The following PTPN14 variants were observed in gnomAD, a reference collection of about 807,000 sequenced individuals.
PTPN14 encodes the protein protein tyrosine phosphatase non-receptor type 14.
In PTPN14, 53 loss-of-function variants were observed where a neutral mutation model predicts 126.8. The observed-to-expected ratio is 0.42, with a 90% confidence interval of 0.34 to 0.53. The LOEUF (loss-of-function observed/expected upper bound fraction) is 0.53. Ranked by LOEUF, PTPN14 falls within the 20% of genes least tolerant of loss-of-function variation. The pLI is 0.08. For synonymous variants in PTPN14, 630 were observed against 599.3 expected, an observed-to-expected ratio of 1.05 and a Z score of -0.75; for missense variants, 1,257 against 1,552.9, an observed-to-expected ratio of 0.81 and a Z score of 3.20.
intron 1 of PTPN14, among the ~76,000 whole-genome samples, chr1:214,511,642 C>T (rs1165738869): frequency 6.6e-6 from 1 of 152,138 alleles, no homozygotes; most frequent in Non-Finnish European, 1.5e-5. Flanking sequence ...AACAGAATTC[C>T]CTTAGGATCT....
chr1:214,538,797 T>C (rs1038099526), intron 1 of PTPN14, among the ~76,000 whole-genome samples: 20 of 152,188 alleles, frequency 1.3e-4, no homozygotes, highest in Non-Finnish European at 1.2e-4. Flanking sequence ...GATTTTTCCG[T>C]ACTGTATATA....
rs1373533874 is a variant in PTPN14, at chr1:214,383,663, A to T, written c.2192T>A (p.Met731Lys). 6.2e-7 allele frequency: 1 copy of T among 1,613,334 alleles called. No homozygotes were observed. Among genetic ancestry groups the T allele is most frequent in the Admixed American group, 1.7e-5 (1 of 60,006 alleles). ...VPQIPMLREKMEYSAQLQAAL... is the reference protein window; with the variant it reads ...VPQIPMLREKKEYSAQLQAAL... ...CGCCTGCAGCTGGGCACTGTACTCC[A>T]TCTTCTCCCGGAGCATGGGGATCTG... Residue 731 changes from methionine to lysine, a missense_variant, in exon 13 of 19, where the codon ATG becomes AAG. Transcript: ENST00000366956. This position sits in a 1 kb window ranked among gnomAD's most constrained non-coding sequence, Gnocchi z 4.4.
intron 11 of PTPN14, among the ~76,000 whole-genome samples, chr1:214,387,437 G>A (rs1658646271): frequency 6.6e-6 from 1 of 152,122 alleles, no homozygotes; most frequent in Non-Finnish European, 1.5e-5. Context: ...CTTGAACCTG[G>A]GACTTGGAGG....
Position 214,378,084 on chromosome 1 carries a change from T to C in PTPN14, c.2563A>G (p.Met855Val). Residue 855 changes from methionine (M) to valine (V), a missense_variant, in exon 14 of 19, where the codon ATG becomes GTG. Met to Val is a conservative substitution (Grantham distance 21). Coordinates refer to ENST00000366956, the MANE Select transcript of PTPN14 (RefSeq NM_005401.5). ...MMIRNLEKQK[M>V]AGLEAQKRPL... Reference sequence around the variant, plus strand: ...CTCTTCTGTGCCTCCAGGCCTGCCATCTTCTGCTTCTCTAGATTCTTGCGG... The same window carrying C: ...CTCTTCTGTGCCTCCAGGCCTGCCACCTTCTGCTTCTCTAGATTCTTGCGG... The C allele has an allele frequency of 1.9e-6, 3 of 1,610,244 alleles. No individual in the cohort carries two copies. Among genetic ancestry groups the C allele is most frequent in the Non-Finnish European group, 1.7e-6 (2 of 1,179,482 alleles).
At chr1:214,377,808 A>T in intron 14 of PTPN14, 151 bp downstream of exon 14, 1 of 978,616 alleles carries the variant, frequency 1.0e-6, no homozygotes, top group Non-Finnish European at 1.5e-6. Flanking sequence ...GGACTGATTT[A>T]ATGCAACACA....
intron 3 of PTPN14, among the ~76,000 whole-genome samples, chr1:214,415,047 C>T (rs1571985473): frequency 1.3e-5 from 2 of 152,132 alleles, no homozygotes; most frequent in African/African-American, 4.8e-5. Flanking sequence ...CTTTTGCACA[C>T]CTGGAGACCC....
intron 3 of PTPN14, among the ~76,000 whole-genome samples, chr1:214,422,103 C>G (rs907977263): frequency 6.6e-6 from 1 of 152,110 alleles, no homozygotes; most frequent in Non-Finnish European, 1.5e-5. Flanking sequence ...GATTAATCAC[C>G]TCCTAGCAAA....
intron 17 of PTPN14, among the ~76,000 whole-genome samples, chr1:214,367,355 T>G (rs962699141): frequency 7.2e-5 from 11 of 152,198 alleles, no homozygotes; most frequent in African/African-American, 2.7e-4. Flanking sequence ...CCTTCTACTC[T>G]CTGCTTTCAG....
chr1:214,438,960 AC>A (rs1200707527), intron 3 of PTPN14, among the ~76,000 whole-genome samples: 1 of 152,208 alleles, frequency 6.6e-6, no homozygotes, highest in African/African-American at 2.4e-5. Context: ...AAACACAAGA[AC>A]TTAATTTTGG....
chr1:214,488,589 C>G (rs894836774), intron 1 of PTPN14, among the ~76,000 whole-genome samples: 14 of 152,188 alleles, frequency 9.2e-5, no homozygotes, highest in African/African-American at 3.4e-4. Context: ...TGCCAAATAC[C>G]AGAACATTCA....
At chr1:214,505,212 G>A (rs949865336) in intron 1 of PTPN14, among the ~76,000 whole-genome samples, 2 of 151,820 alleles carry the variant, frequency 1.3e-5, no homozygotes, top group South Asian at 2.1e-4. Flanking sequence ...AGGAGGACAT[G>A]GGATCCAATG....
In PTPN14 at chr1:214,365,890, C is replaced by T. The variant is rs183515708; in HGVS notation, c.3272-1215G>A. On this transcript the variant is annotated intron_variant, in intron 17 of 18. Coordinates refer to ENST00000366956, the MANE Select transcript of PTPN14 (RefSeq NM_005401.5). ...AAATAAAAAAGAAAGAAGGGCTGGG[C>T]TCAGTGGCTCATGCCTATAATCCCA... is the stretch of plus-strand genomic sequence containing the variant. 2.0e-5 allele frequency among the ~76,000 whole-genome samples: 3 copies of T among 152,246 alleles called. 1 individual carries two copies. The East Asian group carries it at 5.8e-4, about 29-fold the overall frequency.
Position 214,357,885 on chromosome 1 carries a change from G to T in PTPN14, c.*37C>A. 1 of 1,598,882 alleles carries T rather than the reference G, an allele frequency of 6.3e-7. No homozygotes were observed. The highest frequency in any genetic ancestry group is 1.1e-5 in the South Asian group (1 of 90,358). On this transcript the variant is annotated 3_prime_UTR_variant, in exon 19 of 19. Transcript: ENST00000366956. ...GAGGTGACTCTCCTCCAGCGCGATG[G>T]AGCTGGGTCCCTCCTCCAGGAGCTG...
chr1:214,532,740 G>A, intron 1 of PTPN14: 2 of 786,538 alleles, frequency 2.5e-6, no homozygotes, highest in South Asian at 2.7e-5. Context: ...GGCTCTGCAA[G>A]GTCACTGATG....
chr1:214,494,694 T>A (rs1452532932), intron 1 of PTPN14, among the ~76,000 whole-genome samples: 1 of 152,140 alleles, frequency 6.6e-6, no homozygotes, highest in East Asian at 1.9e-4. Context: ...CAGGGAGAAC[T>A]AAAGCTAACA....
At chr1:214,413,943 A>T (rs143836511) in intron 4 of PTPN14, among the ~76,000 whole-genome samples, 2,594 of 152,304 alleles carry the variant, frequency 0.017, 78 homozygotes, top group African/African-American at 0.059. Flanking sequence ...TGCTGGGATT[A>T]CAGGCATGAG....
chr1:214,530,332 CT>C (rs1425390812), intron 1 of PTPN14: 1 of 142,920 alleles, frequency 7.0e-6, no homozygotes, highest in Admixed American at 6.9e-5. Flanking sequence ...TTTTTCTTTT[CT>C]TTTCTTTTTT....
chr1:214,508,354 T>C (rs1408231416), intron 1 of PTPN14, among the ~76,000 whole-genome samples: 1 of 152,228 alleles, frequency 6.6e-6, no homozygotes, highest in African/African-American at 2.4e-5. Context: ...TTTAACAATG[T>C]TCACAGCATC....
At chr1:214,483,354 C>A in intron 1 of PTPN14, 1 of 1,492,032 alleles carries the variant, frequency 6.7e-7, no homozygotes, top group Non-Finnish European at 9.2e-7. Context: ...CGCGGCTTCC[C>A]GTGGTTGTTG....
Sources: allele counts gnomAD v4.1 joint callset (sites outside exome capture counted in the v4.1 genomes callset), GRCh38; gene constraint gnomAD v4.1.1; non-coding constraint Gnocchi (gnomAD v3.1); transcripts MANE v1.5; gene names NCBI Gene and HGNC (gene_info 2026-07-23, HGNC 2026-07-21).